MRI1: variants seen among roughly 807,000 people sequenced by gnomAD.
The protein encoded by MRI1 is methylthioribose-1-phosphate isomerase 1.
In MRI1, 32 loss-of-function variants were observed where a neutral mutation model predicts 27.3. That is an observed-to-expected ratio of 1.17 (90% CI 0.88 to 1.57). MRI1 has a LOEUF of 1.57. MRI1 is among the 40% of genes most tolerant of loss of function. The pLI is 0.00. For missense variants in MRI1, 508 were observed against 516.1 expected, an observed-to-expected ratio of 0.98 and a Z score of 0.15; for synonymous variants, 216 against 227.4, an observed-to-expected ratio of 0.95 and a Z score of 0.45.
At chr19:13,770,807 C>G (rs1015766622) in intron 5 of MRI1, among the ~76,000 whole-genome samples, 2 of 151,612 alleles carry the variant, frequency 1.3e-5, no homozygotes, top group Non-Finnish European at 2.9e-5. Flanking sequence ...TGCTTGAACC[C>G]GGGAGGCGGA....
intron 5 of MRI1, among the ~76,000 whole-genome samples, chr19:13,769,772 T>C (rs1946477848): frequency 6.6e-6 from 1 of 151,290 alleles, no homozygotes; most frequent in Admixed American, 6.6e-5. Context: ...ATACAAAAAT[T>C]AGCCGGACAT....
At chr19:13,767,023 ATATATATATATATATTTTTTTTTTTT>A (rs1437423625) in intron 3 of MRI1, among the ~76,000 whole-genome samples, 4 of 12,952 alleles carry the variant, frequency 3.1e-4, no homozygotes, top group Non-Finnish European at 6.2e-4. Flanking sequence ...ATATATATAT[ATATATATATATATATTTTTTTTTTTT>A]TTTTTTTTTT....
chr19:13,770,461 C>A (rs927306393), intron 5 of MRI1, among the ~76,000 whole-genome samples: 20 of 152,188 alleles, frequency 1.3e-4, no homozygotes, highest in Admixed American at 9.8e-4. Flanking sequence ...GTGGCACATG[C>A]CTGTAGTCCC....
chr19:13,765,177 C>T, intron 2 of MRI1, 68 bp downstream of exon 2: 2 of 1,263,570 alleles, frequency 1.6e-6, no homozygotes, highest in South Asian at 1.6e-5. Context: ...AGTACAGTGA[C>T]CCACTATACA....
At chr19:13,769,097 T>G (rs1974216411) in intron 5 of MRI1, 49 bp downstream of exon 5, 1 of 1,460,564 alleles carries the variant, frequency 6.8e-7, no homozygotes, top group Non-Finnish European at 9.4e-7. Flanking sequence ...GGGCACTTCA[T>G]GGAGGCAGGT....
chr19:13,770,269 T>G (rs1974241551), intron 5 of MRI1, among the ~76,000 whole-genome samples: 1 of 152,212 alleles, frequency 6.6e-6, no homozygotes, highest in Non-Finnish European at 1.5e-5. Context: ...ACAGGACATT[T>G]AGATCAATGA....
chr19:13,767,343 A>G (rs565849366), intron 3 of MRI1, among the ~76,000 whole-genome samples: 31 of 152,052 alleles, frequency 2.0e-4, no homozygotes, highest in African/African-American at 7.5e-4. Context: ...CACAGTGCCC[A>G]GCCCACCCCT....
Position 13,772,826 on chromosome 19 carries a change from T to C in MRI1, c.*545T>C, listed in dbSNP as rs1453852736. The C allele has an allele frequency of 6.6e-6, 1 of 151,656 alleles. No homozygotes were observed. The highest frequency in any genetic ancestry group is 2.4e-5 in the African/African-American group (1 of 41,296). 9.4% of individuals were successfully genotyped at this position (151,656 alleles called of 1,614,324 possible). A position where few individuals can be genotyped will look rare whatever the true frequency, so the allele number is the denominator to read the frequency against. On this transcript the variant is annotated 3_prime_UTR_variant, in exon 6 of 6. Coordinates refer to ENST00000040663, the MANE Select transcript of MRI1 (RefSeq NM_001031727.4). ...CTGGGCAACAGAGCGAGACTCCGTCTCAAAAATAAATATAATTAATTAATT... is the reference window on the plus strand; with the variant it reads ...CTGGGCAACAGAGCGAGACTCCGTCCCAAAAATAAATATAATTAATTAATT...
Position 13,772,177 on chromosome 19 carries a change from G to A in MRI1, c.1006G>A (p.Gly336Ser), listed in dbSNP as rs769217645. ...DVTPHDLITG[G>S]IITELGVFAP... ...CACCCCCCACGACCTCATCACTGGT[G>A]GCATCATCACAGAACTGGGGGTCTT... The change falls in exon 6 of 6, where the codon GGC becomes AGC. Residue 336 changes from glycine (G) to serine (S), a missense_variant. Gly to Ser is a moderately conservative substitution (Grantham distance 56). This residue lies in a region of MRI1 where 457 missense variants were observed against 452.8 expected (regional missense o/e 1.01). Coordinates refer to ENST00000040663, the MANE Select transcript of MRI1 (RefSeq NM_001031727.4). 1.8e-5 allele frequency: 29 copies of A among 1,614,026 alleles called. No homozygotes were observed. Among genetic ancestry groups the A allele is most frequent in the Non-Finnish European group, 2.4e-5 (28 of 1,179,986 alleles).
Position 13,765,081 on chromosome 19 carries a change from G to A in MRI1, c.343G>A (p.Gly115Ser). The change falls in exon 2 of 6, where the codon GGC becomes AGC. Residue 115 changes from glycine (G) to serine (S), a missense_variant. Physicochemically the swap from Gly to Ser is moderately conservative, Grantham distance 56. Coordinates refer to ENST00000040663, the MANE Select transcript of MRI1 (RefSeq NM_001031727.4). ...DVAAREAERE[G>S]ATEEAVRERV... ...TGCAGCCCGGGAGGCCGAACGGGAGGGCGCTACGGAAGAGGCGGTCCGGGA... is the reference window on the plus strand; with the variant it reads ...TGCAGCCCGGGAGGCCGAACGGGAGAGCGCTACGGAAGAGGCGGTCCGGGA... 6.5e-7 allele frequency: 1 copy of A among 1,536,080 alleles called. No homozygotes were observed. Among genetic ancestry groups the A allele is most frequent in the Non-Finnish European group, 8.7e-7 (1 of 1,147,460 alleles).
intron 2 of MRI1, among the ~76,000 whole-genome samples, chr19:13,765,652 C>T (rs1371867051): frequency 3.9e-5 from 6 of 152,236 alleles, no homozygotes; most frequent in African/African-American, 1.4e-4. Context: ...CTGATTCTGC[C>T]GGCTTTTCCT....
At chr19:13,766,813 A>G (rs1325294744) in intron 3 of MRI1, among the ~76,000 whole-genome samples, 1 of 151,726 alleles carries the variant, frequency 6.6e-6, no homozygotes, top group Non-Finnish European at 1.5e-5. Flanking sequence ...GCAGCAGTGA[A>G]CAAAACAGAC....
At position 13,772,506 on chromosome 19, in the gene MRI1, C is replaced by T; in HGVS notation, c.*225C>T. On this transcript the variant is annotated 3_prime_UTR_variant, in exon 6 of 6. Transcript: ENST00000040663. ...TGATCTTGGGCAAGTCACTTCACCT[C>T]TCTGTGCCTTGGTTTCCTCATTTAT... 1 of 448,292 alleles carries T rather than the reference C, an allele frequency of 2.2e-6. No individual in the cohort carries two copies. Among genetic ancestry groups the T allele is most frequent in the Non-Finnish European group, 4.0e-6 (1 of 251,028 alleles). The allele number at this position is 448,292 out of a possible 1,614,324, so 27.8% of individuals were successfully genotyped here. A position where few individuals can be genotyped will look rare whatever the true frequency, so the allele number is the denominator to read the frequency against.
chr19:13,767,159 GC>G (rs1429168688), intron 3 of MRI1, among the ~76,000 whole-genome samples: 1 of 147,000 alleles, frequency 6.8e-6, no homozygotes, highest in East Asian at 2.1e-4. Flanking sequence ...AGATTCTCAT[GC>G]CTCAGCCTCC....
chr19:13,766,381 C>T (rs575601194), intron 3 of MRI1, among the ~76,000 whole-genome samples: 189 of 152,192 alleles, frequency 1.2e-3, no homozygotes, highest in African/African-American at 4.3e-3. Context: ...GGCTGGCAGG[C>T]GGCTGTTAGG....
At position 13,765,113 on chromosome 19, in the gene MRI1, C is replaced by T. The variant is rs745433600; in HGVS notation, c.371+4C>T. On this transcript the variant is annotated splice_donor_region_variant and intron_variant, in intron 2 of 5. Coordinates refer to ENST00000040663, the MANE Select transcript of MRI1 (RefSeq NM_001031727.4). ...CGGAAGAGGCGGTCCGGGAGAGGTA[C>T]GGGGATCTGGTACCAGGCACGGCGC... 20 of 1,521,032 alleles carry T rather than the reference C, an allele frequency of 1.3e-5. No homozygotes were observed. The highest frequency in any genetic ancestry group is 1.7e-5 in the Non-Finnish European group (19 of 1,137,508). 94.2% of individuals were successfully genotyped at this position (1,521,032 alleles called of 1,614,324 possible).
rs989939400 is a variant in MRI1, at chr19:13,768,960, C to T, written c.861C>T (p.Leu287=). 6.2e-7 allele frequency: 1 copy of T among 1,614,148 alleles called. No homozygotes were observed. Among genetic ancestry groups the T allele is most frequent in the Non-Finnish European group, 8.5e-7 (1 of 1,180,016 alleles). ...YVAAPSSSCD[L]RLETGKEIII... is the part of the protein sequence containing the mutation. ...CTGCCCCCAGCTCTTCATGTGACCT[C>T]CGTCTGGAGACCGGCAAGGAGATCA... is the stretch of plus-strand genomic sequence containing the variant. Residue 287 remains leucine (L), a synonymous_variant, in exon 5 of 6, where the codon CTC becomes CTT. Coordinates refer to ENST00000040663, the MANE Select transcript of MRI1 (RefSeq NM_001031727.4).
intron 2 of MRI1, 88 bp downstream of exon 2, chr19:13,765,197 A>G (rs1278844802): frequency 1.3e-5 from 15 of 1,121,888 alleles, no homozygotes; most frequent in Non-Finnish European, 1.7e-5. Flanking sequence ...AGATGGGGAA[A>G]CTGAGGCACG....
intron 5 of MRI1, among the ~76,000 whole-genome samples, chr19:13,769,824 G>A (rs1479812000): frequency 6.6e-6 from 1 of 151,940 alleles, no homozygotes; most frequent in Admixed American, 6.6e-5. Context: ...GGAGGCTGAG[G>A]GAGGAGAATC....
Sources: gnomAD v4.1 joint callset for allele counts (sites outside exome capture counted in the v4.1 genomes callset) on GRCh38, gnomAD v4.1.1 for gene constraint, gnomAD v4.1.1 regional missense constraint, MANE v1.5 for transcripts, NCBI Gene and HGNC (gene_info 2026-07-23, HGNC 2026-07-21) for gene names.